Variants in RYR3 observed in about 807,000 individuals in gnomAD.
RYR3 encodes brain ryanodine receptor-calcium release channel.
Under a neutral mutation model 584.3 loss-of-function variants are expected in RYR3, and 207 were observed. That is an observed-to-expected ratio of 0.35 (90% confidence interval 0.32 to 0.40). The LOEUF (loss-of-function observed/expected upper bound fraction) is 0.40, where lower values mean the gene tolerates loss of function less well. Among genes scored for constraint, RYR3 ranks in the 10% least tolerant of loss-of-function variants. The pLI, the probability that RYR3 is intolerant of heterozygous loss-of-function variation, is 1.00. For missense variants in RYR3, 5,616 were observed against 6,089.2 expected (o/e 0.92, Z 2.59); for synonymous variants, 2,416 against 2,248.5 (o/e 1.07, Z -2.11).
At chr15:33,823,952 C>T (rs148294040) in intron 81 of RYR3, among the ~76,000 whole-genome samples, 44 of 152,234 alleles carry the variant, frequency 2.9e-4, no homozygotes, top group Middle Eastern at 3.4e-3. Flanking sequence ...GGTAAAATAT[C>T]GTACCCTGGG....
intron 3 of RYR3, among the ~76,000 whole-genome samples, chr15:33,521,259 CTACTT>C: frequency 1.3e-5 from 2 of 152,284 alleles, no homozygotes; most frequent in South Asian, 4.1e-4. Context: ...CTGAAAGAGA[CTACTT>C]TACTGGGGTA....
chr15:33,727,348 T>C (rs1259817395), intron 46 of RYR3, among the ~76,000 whole-genome samples: 2 of 152,238 alleles, frequency 1.3e-5, no homozygotes, highest in African/African-American at 2.4e-5. Context: ...ACCGTTGTCA[T>C]GTTTCCCAAA....
rs1490000916 is a variant in RYR3 at position 33,412,079 on chromosome 15, G to A, written c.52-61340G>A. ...CAGCCACACCTGTTGCTGCCATTCA[G>A]TAGGCTACTTTGTGTATAGTTTCTT... On this transcript the variant is annotated intron_variant, in intron 1 of 103. Transcript: ENST00000634891. This position sits in a 1 kb window ranked among gnomAD's most constrained non-coding sequence, Gnocchi z 4.3. 1.3e-5 allele frequency among the ~76,000 whole-genome samples: 2 copies of A among 152,170 alleles called. No homozygotes were observed. The highest frequency in any genetic ancestry group is 2.9e-5 in the Non-Finnish European group (2 of 68,040).
At chr15:33,519,433 G>A (rs2053797204) in intron 3 of RYR3, among the ~76,000 whole-genome samples, 1 of 152,034 alleles carries the variant, frequency 6.6e-6, no homozygotes, top group Admixed American at 6.5e-5. Flanking sequence ...TCAATCACTG[G>A]TCCAAAAGGA....
chr15:33,592,228 T>C (rs2059164382), intron 16 of RYR3, among the ~76,000 whole-genome samples: 1 of 152,204 alleles, frequency 6.6e-6, no homozygotes, highest in African/African-American at 2.4e-5. Flanking sequence ...GAGGGCTTGA[T>C]AGAGTGTGGT....
intron 38 of RYR3, among the ~76,000 whole-genome samples, chr15:33,682,720 A>G (rs369723219): frequency 3.4e-4 from 52 of 152,184 alleles, no homozygotes; most frequent in African/African-American, 1.2e-3. Context: ...AAAGAACAGT[A>G]TATTGTAATC....
chr15:33,862,226 G>A (rs1014403452), intron 102 of RYR3, among the ~76,000 whole-genome samples: 4 of 152,130 alleles, frequency 2.6e-5, no homozygotes, highest in Admixed American at 1.3e-4. Flanking sequence ...CTCATCTTTC[G>A]AGATAGATAG....
chr15:33,755,254 C>A, intron 58 of RYR3, 74 bp downstream of exon 58: 1 of 915,084 alleles, frequency 1.1e-6, no homozygotes, highest in South Asian at 1.5e-5. Context: ...CAGACTGTAA[C>A]TTTTTATGAT....
Position 33,722,858 on chromosome 15 carries a change from G to C in RYR3, c.6763G>C (p.Ala2255Pro), listed in dbSNP as rs763488680. ...QGAIKISENP[A>P]LDLPSQGYKR... ...TGCCATTAAGATCTCTGAGAACCCA[G>C]CGCTCGACCTCCCCTCTCAAGGATA... The change falls in exon 44 of 104, where the codon GCG becomes CCG. Residue 2255 changes from alanine (A) to proline (P), a missense_variant. By Grantham distance (27) the Ala-to-Pro change is conservative (BLOSUM62 -1). Transcript: ENST00000634891. 1 of 1,597,812 alleles carries C rather than the reference G, an allele frequency of 6.3e-7. No individual in the cohort carries two copies. Among genetic ancestry groups the C allele is most frequent in the Non-Finnish European group, 8.5e-7 (1 of 1,173,436 alleles).
intron 48 of RYR3, among the ~76,000 whole-genome samples, chr15:33,732,387 CAA>C (rs3086238): frequency 2.2e-3 from 289 of 130,450 alleles, no homozygotes; most frequent in African/African-American, 5.8e-3. Context: ...GACTCCATCT[CAA>C]AAAAAAAAAA....
At position 33,827,259 on chromosome 15, in the gene RYR3, G is replaced by A. The variant is rs919701669; in HGVS notation, c.11306G>A (p.Ser3769Asn). ...GNTTTVNVII[S>N]TVDYLLRLQE... Reference sequence around the variant, plus strand: ...ACCACCACCGTGAATGTCATCATCAGCACTGTGGACTACCTTCTGCGTCTG... The same window carrying A: ...ACCACCACCGTGAATGTCATCATCAACACTGTGGACTACCTTCTGCGTCTG... The change falls in exon 85 of 104, where the codon AGC (serine) becomes AAC (asparagine). Residue 3769 changes from serine to asparagine, a missense_variant. Around this residue, in one of 9 missense-constraint regions of RYR3, gnomAD observed 954 missense variants for 1,132.2 expected, o/e 0.84. Coordinates refer to ENST00000634891, the MANE Select transcript of RYR3 (RefSeq NM_001036.6). The A allele has an allele frequency of 1.9e-6, 3 of 1,553,122 alleles. No homozygotes were observed. Among genetic ancestry groups the A allele is most frequent in the African/African-American group, 2.7e-5 (2 of 73,074 alleles).
At chr15:33,770,880 C>T (rs1028313865) in intron 62 of RYR3, among the ~76,000 whole-genome samples, 9 of 152,268 alleles carry the variant, frequency 5.9e-5, no homozygotes, top group East Asian at 1.9e-4. Context: ...GTCCTTGAAC[C>T]AAGTCTTTCA....
At chr15:33,679,270 G>A (rs191686942) in intron 38 of RYR3, among the ~76,000 whole-genome samples, 1 of 145,546 alleles carries the variant, frequency 6.9e-6, no homozygotes, top group East Asian at 2.1e-4. Flanking sequence ...TCATCAAAAA[G>A]GCCATCAAGT....
At chr15:33,337,820 C>T (rs547711549) in intron 1 of RYR3, among the ~76,000 whole-genome samples, 9 of 151,326 alleles carry the variant, frequency 5.9e-5, no homozygotes, top group African/African-American at 2.2e-4. Context: ...GTTCATAGTA[C>T]TGAACAACTG....
chr15:33,740,083 T>C, intron 51 of RYR3, 88 bp downstream of exon 51: 1 of 1,161,936 alleles, frequency 8.6e-7, no homozygotes, highest in Non-Finnish European at 1.2e-6. Context: ...ATGTGAGCTT[T>C]ACCTCTTTCC....
In RYR3 at chr15:33,540,671, A is replaced by G. The variant is rs572284501; in HGVS notation, c.547-120A>G. ...GGTGGAGAAATCTCCCACAGGCTGT[A>G]TAGAAAGAACCAGATGACAGTAAGG... On this transcript the variant is annotated intron_variant, in intron 6 of 103. Coordinates refer to ENST00000634891, the MANE Select transcript of RYR3 (RefSeq NM_001036.6). 6.8e-4 allele frequency: 447 copies of G among 656,602 alleles called. 1 individual carries two copies. The highest frequency in any genetic ancestry group is 1.0e-3 in the Non-Finnish European group (367 of 362,484). 40.7% of individuals were successfully genotyped at this position (656,602 alleles called of 1,614,324 possible).
At position 33,550,188 on chromosome 15, in the gene RYR3, C is replaced by G; in HGVS notation, c.844C>G (p.Gln282Glu). The change falls in exon 10 of 104, where the codon CAG becomes GAG. Residue 282 changes from glutamine (Q) to glutamate (E), a missense_variant. Gln to Glu is a conservative substitution (Grantham distance 29, BLOSUM62 2). Around this residue, in one of 9 missense-constraint regions of RYR3, gnomAD observed 1,284 missense variants for 1,344.6 expected, o/e 0.95. Coordinates refer to ENST00000634891, the MANE Select transcript of RYR3 (RefSeq NM_001036.6). ...GAGTGGCAGTAACATCAGATGGGGC[C>G]AGGCTTTCCGACTCCGGCATCTCAC... ...SWSGSNIRWGQAFRLRHLTTG... is the reference protein window; with the variant it reads ...SWSGSNIRWGEAFRLRHLTTG... 1 of 1,613,784 alleles carries G rather than the reference C, an allele frequency of 6.2e-7. No individual in the cohort carries two copies. The highest frequency in any genetic ancestry group is 8.5e-7 in the Non-Finnish European group (1 of 1,179,804).
intron 29 of RYR3, among the ~76,000 whole-genome samples, chr15:33,646,825 T>C (rs1447748388): frequency 2.6e-5 from 4 of 152,202 alleles, no homozygotes; most frequent in Non-Finnish European, 5.9e-5. Context: ...TTCCTGTGTT[T>C]TGTGAGTGCA....
chr15:33,788,155 G>T, intron 66 of RYR3, 63 bp from the exon 67 acceptor site: 1 of 1,603,006 alleles, frequency 6.2e-7, no homozygotes. Context: ...TTTCAGTCAT[G>T]TCTTTCATTT....
Sources: allele counts gnomAD v4.1 joint callset (sites outside exome capture counted in the v4.1 genomes callset), GRCh38; gene constraint gnomAD v4.1.1; regional missense constraint gnomAD v4.1.1; non-coding constraint Gnocchi (gnomAD v3.1); transcripts MANE v1.5; gene names NCBI Gene and HGNC (gene_info 2026-07-23, HGNC 2026-07-21).